Variants in PCDHGB1 observed in about 807,000 individuals in gnomAD.
PCDHGB1 encodes protocadherin gamma subfamily B, 1, also known as protocadherin gamma-B1.
Under a neutral mutation model 56.6 loss-of-function variants are expected in PCDHGB1, and 34 were observed. The ratio of observed to expected loss-of-function variants is 0.60; its 90% confidence interval spans 0.46 to 0.80. The LOEUF (loss-of-function observed/expected upper bound fraction) is 0.80. Ranked by LOEUF, PCDHGB1 falls within the 30% of genes least tolerant of loss-of-function variation. The probability of loss-of-function intolerance (pLI) is 0.00; values close to 1 mark genes in which losing one functional copy is unlikely to be tolerated. For synonymous variants in PCDHGB1, 561 were observed against 505.9 expected (o/e 1.11, Z -1.46); for missense variants, 1,278 against 1,204.6 (o/e 1.06, Z -0.90).
At chr5:141,366,724 T>C (rs917379074) in intron 1 of PCDHGB1, 1 of 1,613,556 alleles carries the variant, frequency 6.2e-7, no homozygotes, top group African/African-American at 1.3e-5. Flanking sequence ...ATAAGGTAGA[T>C]GCAAACAAAG....
intron 1 of PCDHGB1, chr5:141,373,848 C>T (rs955090382): frequency 2.0e-5 from 9 of 446,824 alleles, no homozygotes; most frequent in Non-Finnish European, 3.5e-5. Flanking sequence ...GGACTCTAAG[C>T]GTCGCTGTTG....
At chr5:141,364,912 G>C (rs1763613717) in intron 1 of PCDHGB1, 1 of 1,613,966 alleles carries the variant, frequency 6.2e-7, no homozygotes, top group Non-Finnish European at 8.5e-7. Context: ...ATCCGGAGCT[G>C]GTGTTGGAAC....
At chr5:141,370,390 G>C in intron 1 of PCDHGB1, 1 of 1,543,894 alleles carries the variant, frequency 6.5e-7, no homozygotes. Flanking sequence ...GGCGCAGAGA[G>C]CGGGATGGGA....
rs747283905 is a variant in PCDHGB1, at chr5:141,491,693, G to A, written c.2410-3114G>A. On this transcript the variant is annotated intron_variant, in intron 1 of 3. Transcript: ENST00000523390. The surrounding 1 kb of genome is among the most constrained non-coding windows in gnomAD (Gnocchi z 6.9). ...TCCCGCTCTAATACGCTGCGGGAGC[G>A]GAGCCAGGTGAGGGGCTCGGCGCCG... 3.7e-5 allele frequency: 59 copies of A among 1,612,434 alleles called. No homozygotes were observed. Among genetic ancestry groups the A allele is most frequent in the Non-Finnish European group, 4.7e-5 (55 of 1,179,352 alleles).
intron 1 of PCDHGB1, chr5:141,398,032 C>A: frequency 6.8e-7 from 1 of 1,469,940 alleles, no homozygotes; most frequent in South Asian, 1.4e-5. Flanking sequence ...GGAACTGGAA[C>A]TAAAGCCCGT....
intron 1 of PCDHGB1, chr5:141,360,650 T>G (rs1234526049): frequency 8.7e-6 from 14 of 1,613,994 alleles, no homozygotes; most frequent in Admixed American, 1.7e-5. Context: ...AGATACCACC[T>G]TAATGACAAC....
Position 141,431,222 on chromosome 5 carries a change from C to A in PCDHGB1, c.2410-63585C>A. On this transcript the variant is annotated intron_variant, in intron 1 of 3. Transcript: ENST00000523390. The surrounding 1 kb of genome is among the most constrained non-coding windows in gnomAD (Gnocchi z 4.8). ...AGCCACTGAGATGCGGTTCCCTCTA[C>A]CCCACGCCTGGGATCCGGATATCGG... 3 of 1,614,170 alleles carry A rather than the reference C, an allele frequency of 1.9e-6. No individual in the cohort carries two copies. The highest frequency in any genetic ancestry group is 2.5e-6 in the Non-Finnish European group (3 of 1,180,034).
At chr5:141,406,682 ATTC>A (rs1390945950) in intron 1 of PCDHGB1, among the ~76,000 whole-genome samples, 1 of 152,216 alleles carries the variant, frequency 6.6e-6, no homozygotes, top group Non-Finnish European at 1.5e-5. Flanking sequence ...ATAGTAGGAC[ATTC>A]TTCTTTTCTA....
chr5:141,423,877 C>A, intron 1 of PCDHGB1: 1 of 1,283,890 alleles, frequency 7.8e-7, no homozygotes, highest in Non-Finnish European at 9.9e-7. Flanking sequence ...ATTTTTCAAT[C>A]TTGGCATATT....
chr5:141,441,126 C>A (rs1319809408), intron 1 of PCDHGB1: 2 of 152,062 alleles, frequency 1.3e-5, no homozygotes, highest in Admixed American at 1.3e-4. Context: ...CAGTTGAGAC[C>A]GAATTTCTAG....
At chr5:141,390,444 G>A in intron 1 of PCDHGB1, 1 of 870,148 alleles carries the variant, frequency 1.1e-6, no homozygotes, top group South Asian at 1.8e-5. Context: ...TTCTACAAAG[G>A]AGGAGTAAAG....
At position 141,402,613 on chromosome 5, in the gene PCDHGB1, A is replaced by G. The variant is rs145557523; in HGVS notation, c.2409+49944A>G. Among the ~76,000 whole-genome samples the G allele has an allele frequency of 3.8e-3, 581 of 152,376 alleles. 6 individuals are homozygous for G. Among genetic ancestry groups the G allele is most frequent in the Admixed American group, 0.011 (170 of 15,298 alleles). The stretch of plus-strand genomic sequence containing the variant: ...AGATTGCTTTTGAAATACAAATGCA[A>G]GAAACAATTGGAGAAATCTAAAATC... On this transcript the variant is annotated intron_variant, in intron 1 of 3. Coordinates refer to ENST00000523390, the MANE Select transcript of PCDHGB1 (RefSeq NM_018922.3).
Position 141,485,048 on chromosome 5 carries a change from C to T in PCDHGB1, c.2410-9759C>T. ...AAACGGCGCGTAACCCTTGCGGCGC[C>T]GGCCGAACCGCGCCAGAGCTGGCGC... On this transcript the variant is annotated intron_variant, in intron 1 of 3. Transcript: ENST00000523390. The surrounding 1 kb of genome is among the most constrained non-coding windows in gnomAD (Gnocchi z 5.7). 1 of 770,392 alleles carries T rather than the reference C, an allele frequency of 1.3e-6. No individual in the cohort carries two copies. Among genetic ancestry groups the T allele is most frequent in the South Asian group, 1.7e-5 (1 of 58,120 alleles). 47.7% of individuals were successfully genotyped at this position (770,392 alleles called of 1,614,324 possible). A position where few individuals can be genotyped will look rare whatever the true frequency, so the allele number is the denominator to read the frequency against.
chr5:141,398,832 C>T (rs967769671), intron 1 of PCDHGB1: 3 of 1,614,000 alleles, frequency 1.9e-6, no homozygotes, highest in Non-Finnish European at 1.7e-6. Flanking sequence ...TAACCGACGC[C>T]AATGATAATC....
Position 141,444,232 on chromosome 5 carries a change from C to T in PCDHGB1, c.2410-50575C>T, listed in dbSNP as rs1411172798. Among the ~76,000 whole-genome samples the T allele has an allele frequency of 2.5e-5, 3 of 122,350 alleles. No individual in the cohort carries two copies. In the Admixed American group the frequency reaches 3.3e-4, roughly 14 times the overall value. The allele number at this position is 122,350 out of a possible 152,430, so 80.3% of individuals were successfully genotyped here. ...TGTTGCCCAGGCTGGAGTGCAATGG[C>T]ATGCTCTCGGCTCACTGCAACCTCC... is the stretch of plus-strand genomic sequence containing the variant. On this transcript the variant is annotated intron_variant, in intron 1 of 3. Coordinates refer to ENST00000523390, the MANE Select transcript of PCDHGB1 (RefSeq NM_018922.3).
At chr5:141,354,537 T>C (rs1172449329) in intron 1 of PCDHGB1, among the ~76,000 whole-genome samples, 2 of 152,230 alleles carry the variant, frequency 1.3e-5, no homozygotes, top group Non-Finnish European at 2.9e-5. Context: ...CCCCAGGTTC[T>C]AGAGGGTCAA....
intron 1 of PCDHGB1, chr5:141,357,818 C>A (rs569420101): frequency 1.4e-6 from 1 of 707,926 alleles, no homozygotes; most frequent in Non-Finnish European, 2.3e-6. Context: ...ATTACTTATC[C>A]TTTTTGGTCT....
chr5:141,468,315 C>T (rs1197043569), intron 1 of PCDHGB1: 4 of 120,552 alleles, frequency 3.3e-5, no homozygotes, highest in Non-Finnish European at 5.0e-5. Context: ...ACAAGAGCAA[C>T]GGTAAACTCC....
intron 1 of PCDHGB1, among the ~76,000 whole-genome samples, chr5:141,482,530 CAA>C (rs3074545): frequency 2.5e-4 from 19 of 76,528 alleles, no homozygotes; most frequent in East Asian, 4.2e-4. Context: ...GACAGACATG[CAA>C]AAAAAAAAAA....
Sources: gnomAD v4.1 joint callset for allele counts (sites outside exome capture counted in the v4.1 genomes callset) on GRCh38, gnomAD v4.1.1 for gene constraint, Gnocchi (gnomAD v3.1) non-coding constraint, MANE v1.5 for transcripts, NCBI Gene and HGNC (gene_info 2026-07-23, HGNC 2026-07-21) for gene names.